The following EPHA4 variants were observed in gnomAD, a reference collection of about 807,000 sequenced individuals.
EPHA4 encodes EPH receptor A4.
EPHA4 carries 19 observed loss-of-function variants against 108.3 expected under a neutral mutation model. The ratio of observed to expected loss-of-function variants is 0.18; its 90% CI spans 0.12 to 0.26. The LOEUF (loss-of-function observed/expected upper bound fraction) is 0.26, where lower values mean the gene tolerates loss of function less well. EPHA4 is among the 10% of genes least tolerant of loss of function. The pLI is 1.00. For synonymous variants in EPHA4, 449 were observed against 455.5 expected, an observed-to-expected ratio of 0.99 and a Z score of 0.18; for missense variants, 917 against 1,254.0, an observed-to-expected ratio of 0.73 and a Z score of 4.06.
chr2:221,568,360 T>C (rs1207663131), intron 2 of EPHA4, among the ~76,000 whole-genome samples: 3 of 152,200 alleles, frequency 2.0e-5, no homozygotes, highest in Non-Finnish European at 1.5e-5. Flanking sequence ...ACAATTGCTC[T>C]TAAATTAACC....
At chr2:221,445,521 C>T (rs7568059) in intron 9 of EPHA4, among the ~76,000 whole-genome samples, 51,282 of 146,124 alleles carry the variant, frequency 0.35, 10,449 homozygotes, top group African/African-American at 0.59. Context: ...ACCAGGGAGG[C>T]GGAGCTTGCA....
At chr2:221,460,448 T>C (rs1691102298) in intron 5 of EPHA4, among the ~76,000 whole-genome samples, 1 of 152,196 alleles carries the variant, frequency 6.6e-6, no homozygotes, top group Non-Finnish European at 1.5e-5. Flanking sequence ...AAAGTCTAAA[T>C]TCTTTATTGA....
rs765492683 is a variant in EPHA4, at chr2:221,547,863, T to C, written c.823+15868A>G. On this transcript the variant is annotated intron_variant, in intron 3 of 17. Transcript: ENST00000281821. ...TAAAAATGGGGATAATAACAGTACC[T>C]GACTTACAAGGCTGTTTAAGGATGA... Among the ~76,000 whole-genome samples the C allele has an allele frequency of 3.9e-5, 6 of 152,222 alleles. No individual in the cohort carries two copies. In the South Asian group the frequency reaches 1.2e-3, roughly 32 times the overall value.
intron 3 of EPHA4, among the ~76,000 whole-genome samples, chr2:221,554,845 C>T (rs1381684857): frequency 6.6e-6 from 1 of 152,164 alleles, no homozygotes; most frequent in African/African-American, 2.4e-5. Context: ...TGGACTCCAG[C>T]CCATTAGTGA....
chr2:221,459,674 G>C (rs1691080394), intron 5 of EPHA4, among the ~76,000 whole-genome samples: 1 of 152,072 alleles, frequency 6.6e-6, no homozygotes, highest in African/African-American at 2.4e-5. Flanking sequence ...GAGGTAGCAA[G>C]GAGGCTAAGA....
chr2:221,456,760 G>A lies in EPHA4; in HGVS notation c.1456C>T (p.Arg486Ter). ...VKYYEKDQNE[R>*]SYRIVRTAAR... ...GCTGTCCGAACTATACGATAGCTTCGCTCATTCTGATCCTACATCATGGCA... is the reference window on the plus strand; with the variant it reads ...GCTGTCCGAACTATACGATAGCTTCACTCATTCTGATCCTACATCATGGCA... The change falls in exon 7 of 18, where the codon CGA (arginine) becomes TGA (stop). Residue 486 changes from arginine to a stop codon, truncating the protein, a stop_gained. Transcript: ENST00000281821. LOFTEE classifies it high-confidence loss of function. 2 of 1,613,574 alleles carry A rather than the reference G, an allele frequency of 1.2e-6. No individual in the cohort carries two copies. The highest frequency in any genetic ancestry group is 8.5e-7 in the Non-Finnish European group (1 of 1,179,680).
rs913240148 is a variant in EPHA4, at chr2:221,445,364, C to T, written c.1774+759G>A. On this transcript the variant is annotated intron_variant, in intron 9 of 17. Transcript: ENST00000281821. ...CAGCGCTTTGGGAGGCCGAGGCGGG[C>T]GGATCACGAGGTCAGGAGATGGAGA... Among the ~76,000 whole-genome samples the T allele has an allele frequency of 5.3e-5, 8 of 151,840 alleles. No homozygotes were observed. The South Asian group carries it at 6.2e-4, about 12-fold the overall frequency.
At chr2:221,457,798 A>C in intron 6 of EPHA4, 68 bp downstream of exon 6, 3 of 1,563,580 alleles carry the variant, frequency 1.9e-6, no homozygotes, top group Non-Finnish European at 2.6e-6. Flanking sequence ...AGGAGAAAGG[A>C]AAGAAGAAAA....
chr2:221,419,943 GCA>G lies in EPHA4; in HGVS notation c.*1427_*1428del, dbSNP rs1244359877. 6.6e-6 allele frequency: 1 copy of G among 152,612 alleles called. No homozygotes were observed. The highest frequency in any genetic ancestry group is 1.5e-5 in the Non-Finnish European group (1 of 68,074). The allele number at this position is 152,612 out of a possible 1,614,324, so 9.5% of individuals were successfully genotyped here. ...TGAGGCTACGCACATACACACACCC[GCA>G]CACAGACAGGCACGCATACAGACAC... On this transcript the variant is annotated 3_prime_UTR_variant, in exon 18 of 18. Transcript: ENST00000281821.
chr2:221,496,530 T>G (rs1457286209), intron 4 of EPHA4, among the ~76,000 whole-genome samples: 1 of 152,176 alleles, frequency 6.6e-6, no homozygotes, highest in African/African-American at 2.4e-5. Context: ...CAAAGTATAG[T>G]CACTTCCCTG....
At chr2:221,536,087 A>G (rs1461736358) in intron 3 of EPHA4, among the ~76,000 whole-genome samples, 1 of 152,178 alleles carries the variant, frequency 6.6e-6, no homozygotes, top group East Asian at 1.9e-4. Flanking sequence ...GCCTTTCTAG[A>G]TAACTGTCAA....
intron 1 of EPHA4, among the ~76,000 whole-genome samples, chr2:221,570,824 A>G (rs942172788): frequency 2.4e-4 from 36 of 152,022 alleles, no homozygotes; most frequent in African/African-American, 8.0e-4. Context: ...GGACGGACGG[A>G]CAGATATATG....
intron 1 of EPHA4, among the ~76,000 whole-genome samples, chr2:221,570,886 GATGGATGGATGC>G (rs1272613326): frequency 1.3e-5 from 2 of 151,924 alleles, no homozygotes; most frequent in East Asian, 3.9e-4. Context: ...TGCACGGAGA[GATGGATGGATGC>G]ATGGATGGAT....
At chr2:221,432,709 T>A (rs1690114982) in intron 14 of EPHA4, among the ~76,000 whole-genome samples, 1 of 151,586 alleles carries the variant, frequency 6.6e-6, no homozygotes, top group Admixed American at 6.6e-5. Context: ...AGTGGTGTCA[T>A]CTTGGCTCAC....
At position 221,446,112 on chromosome 2, in the gene EPHA4, A is replaced by AT. The variant is rs770211638; in HGVS notation, c.1774+10dup. ...TCTAAAAATAGAATTTTTTAATCCA[A>AT]TTTTTTGTACCTTGATTCAAATGTT... On this transcript the variant is annotated intron_variant, in intron 9 of 17. Coordinates refer to ENST00000281821, the MANE Select transcript of EPHA4 (RefSeq NM_004438.5). 2.0e-6 allele frequency: 3 copies of AT among 1,527,690 alleles called. No individual in the cohort carries two copies. Among genetic ancestry groups the AT allele is most frequent in the East Asian group, 2.5e-5 (1 of 40,808 alleles). 94.6% of individuals were successfully genotyped at this position (1,527,690 alleles called of 1,614,324 possible). A position where few individuals can be genotyped will look rare whatever the true frequency, so the allele number is the denominator to read the frequency against.
intron 3 of EPHA4, among the ~76,000 whole-genome samples, chr2:221,529,169 A>T (rs1377826048): frequency 1.3e-5 from 2 of 152,152 alleles, no homozygotes; most frequent in Admixed American, 1.3e-4. Context: ...CATACATGAC[A>T]CTGTTGCTTG....
At chr2:221,449,806 G>C (rs1293125967) in intron 8 of EPHA4, among the ~76,000 whole-genome samples, 3 of 152,202 alleles carry the variant, frequency 2.0e-5, no homozygotes, top group African/African-American at 7.2e-5. Context: ...GTGGTTCACT[G>C]TTCCAAAACT....
chr2:221,428,533 A>T (rs958200381), intron 15 of EPHA4, among the ~76,000 whole-genome samples: 1 of 152,210 alleles, frequency 6.6e-6, no homozygotes, highest in Non-Finnish European at 1.5e-5. Context: ...CTAACAGAAG[A>T]AGTACCAAAC....
chr2:221,448,326 G>A (rs1243417632), intron 8 of EPHA4, among the ~76,000 whole-genome samples: 2 of 152,044 alleles, frequency 1.3e-5, no homozygotes, highest in Admixed American at 6.6e-5. Flanking sequence ...TCCAGCCCAC[G>A]ACTTCATAGA....
Sources: gnomAD v4.1 joint callset for allele counts (sites outside exome capture counted in the v4.1 genomes callset) on GRCh38, gnomAD v4.1.1 for gene constraint, MANE v1.5 for transcripts, NCBI Gene and HGNC (gene_info 2026-07-23, HGNC 2026-07-21) for gene names.